RASSF3: variants seen among roughly 807,000 people sequenced by gnomAD.
RASSF3 encodes Ras association domain family member 3.
RASSF3 carries 19 observed loss-of-function variants against 19.9 expected under a neutral mutation model. The observed-to-expected ratio is 0.96, with a 90% CI of 0.67 to 1.40. RASSF3 has a LOEUF of 1.40. Ranked by LOEUF, RASSF3 falls within the 40% of genes most tolerant of loss-of-function variation. The pLI is 0.00. For synonymous variants in RASSF3, 110 were observed against 104.2 expected, an observed-to-expected ratio of 1.06 and a Z score of -0.34; for missense variants, 306 against 289.8, an observed-to-expected ratio of 1.06 and a Z score of -0.41.
intron 1 of RASSF3, among the ~76,000 whole-genome samples, chr12:64,668,121 C>T (rs1246961788): frequency 6.6e-6 from 1 of 152,178 alleles, no homozygotes; most frequent in Non-Finnish European, 1.5e-5. Flanking sequence ...AATTTCTACC[C>T]TCGGGATTCC....
downstream of RASSF3, among the ~76,000 whole-genome samples, chr12:64,546,205 G>A (rs1223788631): frequency 6.6e-6 from 1 of 151,220 alleles, no homozygotes; most frequent in Non-Finnish European, 1.5e-5. Flanking sequence ...GGCATCATAA[G>A]TATTAGATTA....
At chr12:64,517,469 A>C (rs1024106908) in intron 1 of RASSF3, among the ~76,000 whole-genome samples, 5 of 152,314 alleles carry the variant, frequency 3.3e-5, no homozygotes, top group African/African-American at 1.2e-4. Context: ...AATATATTAC[A>C]AAGCTGCTAA....
chr12:64,645,816 T>A (rs898776105), intron 1 of RASSF3, among the ~76,000 whole-genome samples: 3 of 152,220 alleles, frequency 2.0e-5, no homozygotes, highest in Admixed American at 6.5e-5. Context: ...TCTCTATGTT[T>A]AACTACCACC....
chr12:64,551,017 G>A lies in RASSF3; in HGVS notation c.294+9312G>A, dbSNP rs117795950. On this transcript the variant is annotated intron_variant, in intron 2 of 5. Transcript: ENST00000637125. ...TCCTTTTCCCTCCTCAAGCTTGCCC[G>A]AGATGGCTGTTTGATCTTGGTTTCA... 1.4e-3 allele frequency among the ~76,000 whole-genome samples: 210 copies of A among 151,966 alleles called. 1 individual carries two copies. The highest frequency in any genetic ancestry group is 2.5e-3 in the Non-Finnish European group (171 of 67,992).
At chr12:64,597,946 C>G (rs1272637701) in intron 2 of RASSF3, among the ~76,000 whole-genome samples, 1 of 152,210 alleles carries the variant, frequency 6.6e-6, no homozygotes, top group East Asian at 1.9e-4. Context: ...GAGACAGAGT[C>G]TCACTCTGTC....
downstream of RASSF3, among the ~76,000 whole-genome samples, chr12:64,543,340 T>G (rs892067951): frequency 6.7e-6 from 1 of 149,358 alleles, no homozygotes; most frequent in Non-Finnish European, 1.5e-5. Context: ...CTGCGCTCGA[T>G]TTCTCGCCGG....
intron 4 of RASSF3, among the ~76,000 whole-genome samples, chr12:64,692,614 T>C (rs1198172497): frequency 2.6e-5 from 4 of 152,178 alleles, no homozygotes; most frequent in Non-Finnish European, 5.9e-5. Context: ...TGGTGACCAT[T>C]CCCTCTGCCA....
At chr12:64,591,887 T>C (rs1007840718) in intron 2 of RASSF3, among the ~76,000 whole-genome samples, 1 of 151,808 alleles carries the variant, frequency 6.6e-6, no homozygotes, top group Non-Finnish European at 1.5e-5. Flanking sequence ...AACTAATTTT[T>C]ATTATTCCTT....
intron 1 of RASSF3, among the ~76,000 whole-genome samples, chr12:64,642,163 G>C (rs541385385): frequency 6.6e-6 from 1 of 152,076 alleles, no homozygotes; most frequent in East Asian, 1.9e-4. Flanking sequence ...AGCTCACCTG[G>C]TTATTTAAAT....
chr12:64,610,179 G>T (rs1267243134), upstream of RASSF3, among the ~76,000 whole-genome samples: 1 of 152,202 alleles, frequency 6.6e-6, no homozygotes, highest in Non-Finnish European at 1.5e-5. Context: ...GGCTGGGGGC[G>T]GGCGGACGGC....
At chr12:64,587,867 C>T (rs1869841528) in intron 2 of RASSF3, among the ~76,000 whole-genome samples, 1 of 152,130 alleles carries the variant, frequency 6.6e-6, no homozygotes, top group African/African-American at 2.4e-5. Context: ...TATCTCAACC[C>T]ACGATTTTTT....
chr12:64,535,183 G>A (rs753297509), intron 1 of RASSF3, among the ~76,000 whole-genome samples: 4 of 151,914 alleles, frequency 2.6e-5, no homozygotes, highest in South Asian at 2.1e-4. Flanking sequence ...CCTGCAAATC[G>A]GTGGTCCATA....
intron 1 of RASSF3, among the ~76,000 whole-genome samples, chr12:64,677,327 C>T (rs1872944468): frequency 6.6e-6 from 1 of 152,206 alleles, no homozygotes; most frequent in African/African-American, 2.4e-5. Context: ...TGTATATCAA[C>T]AATGCTGATC....
chr12:64,574,076 G>A (rs1321956906), intron 2 of RASSF3, among the ~76,000 whole-genome samples: 1 of 152,046 alleles, frequency 6.6e-6, no homozygotes, highest in East Asian at 1.9e-4. Flanking sequence ...GCCGAGGTGG[G>A]CGGATCACTT....
intron 1 of RASSF3, among the ~76,000 whole-genome samples, chr12:64,535,733 GC>G (rs754848319): frequency 6.6e-5 from 10 of 150,932 alleles, no homozygotes; most frequent in Non-Finnish European, 1.3e-4. Context: ...TATTGCCCAG[GC>G]TGGAGTGCAA....
rs527723616 is a variant in RASSF3, at chr12:64,596,806, C to G, written c.294+55101C>G. Reference sequence around the variant, plus strand: ...GTGCAATGGCGTGATCTCAGCTCACCGCAACCTCCACCTCCCAGGCTCAAG... The same window carrying G: ...GTGCAATGGCGTGATCTCAGCTCACGGCAACCTCCACCTCCCAGGCTCAAG... On this transcript the variant is annotated intron_variant, in intron 2 of 5. Coordinates refer to the RASSF3 transcript ENST00000637125. Among the ~76,000 whole-genome samples, 28 of 151,872 alleles carry G rather than the reference C, an allele frequency of 1.8e-4. No individual in the cohort carries two copies. In the East Asian group the frequency reaches 5.3e-3, roughly 29 times the overall value.
At chr12:64,574,942 C>A (rs539051974) in intron 2 of RASSF3, among the ~76,000 whole-genome samples, 1 of 152,138 alleles carries the variant, frequency 6.6e-6, no homozygotes, top group Admixed American at 6.6e-5. Context: ...TACAAAAATA[C>A]CTCAGCAAGT....
At chr12:64,665,967 T>C (rs1872530097) in intron 1 of RASSF3, among the ~76,000 whole-genome samples, 1 of 152,256 alleles carries the variant, frequency 6.6e-6, no homozygotes, top group African/African-American at 2.4e-5. Context: ...TCTCAGTTAC[T>C]CTGAACAAGG....
rs1291246224 is a variant in RASSF3 at position 64,676,662 on chromosome 12, G to A, written c.112-8125G>A. ...AATTTTGTATTTTCAATAGAGATGGGGTTTCACCATGTTGGCCACGCTGGT... is the reference window on the plus strand; with the variant it reads ...AATTTTGTATTTTCAATAGAGATGGAGTTTCACCATGTTGGCCACGCTGGT... On this transcript the variant is annotated intron_variant, in intron 1 of 4. Coordinates refer to ENST00000542104, the MANE Select transcript of RASSF3 (RefSeq NM_178169.4). Among the ~76,000 whole-genome samples, 4 of 151,772 alleles carry A rather than the reference G, an allele frequency of 2.6e-5. No individual in the cohort carries two copies. In the South Asian group the frequency reaches 8.3e-4, roughly 32 times the overall value.
Sources: gnomAD v4.1 joint callset for allele counts (sites outside exome capture counted in the v4.1 genomes callset) on GRCh38, gnomAD v4.1.1 for gene constraint, MANE v1.5 for transcripts, NCBI Gene and HGNC (gene_info 2026-07-23, HGNC 2026-07-21) for gene names.